Variants in NIPAL2 observed in about 807,000 individuals in gnomAD.
NIPAL2 encodes NIPA like domain containing 2.
NIPAL2 carries 43 observed loss-of-function variants against 48.9 expected under a neutral mutation model. The ratio of observed to expected loss-of-function variants is 0.88; its 90% CI spans 0.69 to 1.13. The LOEUF (loss-of-function observed/expected upper bound fraction) is 1.13, where lower values mean the gene tolerates loss of function less well. Among genes scored for constraint, NIPAL2 ranks in the 50% most tolerant of loss-of-function variants. The pLI is 0.00. For synonymous variants in NIPAL2, 167 were observed against 174.6 expected (o/e 0.96, Z 0.34); for missense variants, 446 against 461.4 (o/e 0.97, Z 0.31).
intron 1 of NIPAL2, among the ~76,000 whole-genome samples, chr8:98,288,371 C>T (rs1258568246): frequency 4.6e-5 from 7 of 150,564 alleles, no homozygotes; most frequent in African/African-American, 1.7e-4. Context: ...GACATGAACT[C>T]ATCATTTTTT....
At chr8:98,195,669 G>A (rs779859617) in intron 9 of NIPAL2, 3 of 317,476 alleles carry the variant, frequency 9.4e-6, no homozygotes, top group Non-Finnish European at 1.7e-5. Flanking sequence ...AGGTCGTGCA[G>A]TAACTACAAG....
intron 1 of NIPAL2, among the ~76,000 whole-genome samples, chr8:98,288,488 C>T (rs375535245): frequency 1.3e-3 from 199 of 151,998 alleles, no homozygotes; most frequent in African/African-American, 4.6e-3. Context: ...GTGAATAATG[C>T]TGCAATAAAC....
At chr8:98,227,580 G>T (rs1401406706) in intron 4 of NIPAL2, among the ~76,000 whole-genome samples, 1 of 152,202 alleles carries the variant, frequency 6.6e-6, no homozygotes. Flanking sequence ...GGGGGCCTCA[G>T]GACTCTGCCT....
chr8:98,243,357 T>C (rs1306201139), intron 3 of NIPAL2, among the ~76,000 whole-genome samples: 1 of 152,050 alleles, frequency 6.6e-6, no homozygotes, highest in Non-Finnish European at 1.5e-5. Flanking sequence ...CAGATGAAAA[T>C]AGATAAAATA....
intron 4 of NIPAL2, among the ~76,000 whole-genome samples, chr8:98,227,021 G>A (rs959405959): frequency 6.6e-6 from 1 of 152,156 alleles, no homozygotes; most frequent in Non-Finnish European, 1.5e-5. Context: ...TCCCCAGGCA[G>A]AGGAGTCTTT....
At chr8:98,194,315 C>T (rs990420071) in intron 10 of NIPAL2, among the ~76,000 whole-genome samples, 1 of 152,192 alleles carries the variant, frequency 6.6e-6, no homozygotes, top group African/African-American at 2.4e-5. Context: ...TCCTGAGCCA[C>T]AGTGCACAGG....
chr8:98,202,713 A>T (rs977272473), intron 8 of NIPAL2, among the ~76,000 whole-genome samples: 31 of 152,212 alleles, frequency 2.0e-4, no homozygotes, highest in Non-Finnish European at 2.1e-4. Context: ...AACCTCTTTT[A>T]AAAATAAATT....
chr8:98,232,010 A>T (rs1034151295), intron 4 of NIPAL2, among the ~76,000 whole-genome samples: 9 of 152,140 alleles, frequency 5.9e-5, no homozygotes, highest in East Asian at 3.9e-4. Flanking sequence ...TTTTTAAAAA[A>T]TTTTTTTTTT....
chr8:98,203,816 A>G (rs1226789093), intron 7 of NIPAL2, among the ~76,000 whole-genome samples: 1 of 150,792 alleles, frequency 6.6e-6, no homozygotes, highest in African/African-American at 2.5e-5. Flanking sequence ...TACTCTAGAG[A>G]AATTGAAAAA....
chr8:98,233,322 TGTTA>T (rs1020642777), intron 4 of NIPAL2, among the ~76,000 whole-genome samples: 11 of 141,612 alleles, frequency 7.8e-5, no homozygotes, highest in East Asian at 4.0e-4. Flanking sequence ...GGTTTTATTT[TGTTA>T]GTTTGTTTTC....
At chr8:98,238,933 A>G (rs192210880) in intron 3 of NIPAL2, among the ~76,000 whole-genome samples, 134 of 152,304 alleles carry the variant, frequency 8.8e-4, no homozygotes, top group Non-Finnish European at 1.7e-3. Flanking sequence ...AGAGCATGAG[A>G]AAAGGTATTA....
chr8:98,249,677 ATT>A (rs1813486808), intron 3 of NIPAL2, among the ~76,000 whole-genome samples: 1 of 147,458 alleles, frequency 6.8e-6, no homozygotes, highest in Admixed American at 6.8e-5. Flanking sequence ...TTAAATATAT[ATT>A]AAAGATAATC....
At chr8:98,286,596 G>A (rs532727054) in intron 1 of NIPAL2, among the ~76,000 whole-genome samples, 1 of 152,204 alleles carries the variant, frequency 6.6e-6, no homozygotes, top group East Asian at 1.9e-4. Flanking sequence ...ATCACCTGAG[G>A]TCAGGAGTTT....
intron 4 of NIPAL2, among the ~76,000 whole-genome samples, chr8:98,226,432 AC>A (rs1481558239): frequency 1.3e-5 from 2 of 152,186 alleles, no homozygotes; most frequent in African/African-American, 4.8e-5. Flanking sequence ...GGCCATATCT[AC>A]ATGAGGGGGC....
chr8:98,277,045 CA>C (rs1356438057), intron 1 of NIPAL2, among the ~76,000 whole-genome samples: 3 of 139,012 alleles, frequency 2.2e-5, no homozygotes, highest in Non-Finnish European at 3.2e-5. Flanking sequence ...GCTGGGATTA[CA>C]GGCGTGAGCC....
chr8:98,291,738 A>G (rs907112615), intron 1 of NIPAL2, among the ~76,000 whole-genome samples: 1 of 152,188 alleles, frequency 6.6e-6, no homozygotes, highest in African/African-American at 2.4e-5. Flanking sequence ...CATCACTTCT[A>G]TACTTCTATA....
intron 3 of NIPAL2, among the ~76,000 whole-genome samples, chr8:98,246,903 T>C (rs1005758903): frequency 1.3e-5 from 2 of 152,230 alleles, no homozygotes; most frequent in African/African-American, 4.8e-5. Context: ...GAGAGAAGTC[T>C]GCCATGAAGC....
At chr8:98,236,554 A>G (rs1333004178) in intron 3 of NIPAL2, among the ~76,000 whole-genome samples, 1 of 152,156 alleles carries the variant, frequency 6.6e-6, no homozygotes, top group Non-Finnish European at 1.5e-5. Context: ...AGACAGGAAG[A>G]GATAGGAAGG....
At chr8:98,255,407 A>T (rs1325639091) in intron 1 of NIPAL2, among the ~76,000 whole-genome samples, 1 of 152,240 alleles carries the variant, frequency 6.6e-6, no homozygotes, top group African/African-American at 2.4e-5. Context: ...TCAAATGAGC[A>T]TTGCAACCAC....
Sources: gnomAD v4.1 joint callset for allele counts (sites outside exome capture counted in the v4.1 genomes callset) on GRCh38, gnomAD v4.1.1 for gene constraint, MANE v1.5 for transcripts, NCBI Gene and HGNC (gene_info 2026-07-23, HGNC 2026-07-21) for gene names.